TENM2: variants seen among roughly 807,000 people sequenced by gnomAD.
TENM2 encodes teneurin-2.
In TENM2, 52 loss-of-function variants were observed where a neutral mutation model predicts 245.2. The observed-to-expected ratio is 0.21, with a 90% confidence interval of 0.17 to 0.27. The LOEUF (loss-of-function observed/expected upper bound fraction) is 0.27, where lower values mean the gene tolerates loss of function less well. TENM2 is among the 10% of genes least tolerant of loss of function. The pLI is 1.00. For missense variants in TENM2, 3,046 were observed against 3,666.8 expected, an observed-to-expected ratio of 0.83 and a Z score of 4.37; for synonymous variants, 1,363 against 1,438.9, an observed-to-expected ratio of 0.95 and a Z score of 1.19.
intron 2 of TENM2, among the ~76,000 whole-genome samples, chr5:167,606,365 C>G (rs1777045837): frequency 6.6e-6 from 1 of 151,398 alleles, no homozygotes; most frequent in African/African-American, 2.4e-5. Context: ...GGCAAGGAAG[C>G]TGGGGGAGAA....
At chr5:167,034,546 C>T in the TENM2 span, among the ~76,000 whole-genome samples, 15 of 139,886 alleles carry the variant, frequency 1.1e-4, no homozygotes, top group African/African-American at 3.4e-4. Flanking sequence ...AGGAGAATAG[C>T]GTGAACCCGA....
intron 2 of TENM2, among the ~76,000 whole-genome samples, chr5:167,754,393 G>A (rs545853283): frequency 2.2e-4 from 34 of 152,156 alleles, no homozygotes; most frequent in Non-Finnish European, 3.8e-4. Flanking sequence ...TTTCACAACA[G>A]GTAGTTAAAA....
chr5:167,947,612 A>T (rs1435255941), intron 3 of TENM2, among the ~76,000 whole-genome samples: 1 of 152,204 alleles, frequency 6.6e-6, no homozygotes, highest in Non-Finnish European at 1.5e-5. Flanking sequence ...AAATTTGAAC[A>T]GGGTGTCCTG....
At chr5:167,792,157 C>T (rs2150902093) in intron 2 of TENM2, among the ~76,000 whole-genome samples, 1 of 152,248 alleles carries the variant, frequency 6.6e-6, no homozygotes, top group Admixed American at 6.5e-5. Context: ...TCTTCCTAAG[C>T]CCTCTAGGCA....
At chr5:167,938,087 A>G (rs1778876165) in intron 3 of TENM2, 1 of 152,210 alleles carries the variant, frequency 6.6e-6, no homozygotes, top group Non-Finnish European at 1.5e-5. Context: ...GCCATGCTCT[A>G]TTATCTAGAA....
the TENM2 span, among the ~76,000 whole-genome samples, chr5:167,250,854 G>A: frequency 1.3e-5 from 2 of 152,110 alleles, no homozygotes; most frequent in African/African-American, 4.8e-5. Context: ...GAAAAGTATG[G>A]CCATGGATGT....
intron 12 of TENM2, among the ~76,000 whole-genome samples, chr5:168,157,390 C>T (rs1757277726): frequency 6.6e-6 from 1 of 152,156 alleles, no homozygotes; most frequent in Non-Finnish European, 1.5e-5. Context: ...GTGTTTCCAG[C>T]AGTGTCCAGA....
At chr5:167,177,601 A>T in the TENM2 span, among the ~76,000 whole-genome samples, 1 of 152,180 alleles carries the variant, frequency 6.6e-6, no homozygotes, top group Non-Finnish European at 1.5e-5. Context: ...ATCCTAGGGG[A>T]TAGGATGGGT....
chr5:168,082,469 G>A (rs1271096529), intron 7 of TENM2, among the ~76,000 whole-genome samples: 4 of 152,152 alleles, frequency 2.6e-5, no homozygotes, highest in Non-Finnish European at 4.4e-5. Context: ...CAGCTTTGTT[G>A]CGTTGCTGGC....
At chr5:167,032,376 C>G in the TENM2 span, among the ~76,000 whole-genome samples, 3 of 152,088 alleles carry the variant, frequency 2.0e-5, no homozygotes, top group African/African-American at 7.2e-5. Context: ...TCTGTATAGT[C>G]AAGGGTGAGT....
intron 1 of TENM2, among the ~76,000 whole-genome samples, chr5:167,368,281 G>A (rs1377988647): frequency 2.0e-5 from 3 of 151,970 alleles, no homozygotes; most frequent in African/African-American, 2.4e-5. Context: ...CTATTTGAAT[G>A]ATGCATATTT....
intron 2 of TENM2, among the ~76,000 whole-genome samples, chr5:167,765,809 C>T (rs1055799210): frequency 6.6e-6 from 1 of 152,194 alleles, no homozygotes; most frequent in East Asian, 1.9e-4. Flanking sequence ...CTAACCGTTT[C>T]TCAGAACCGA....
At chr5:167,051,169 A>G in the TENM2 span, among the ~76,000 whole-genome samples, 3 of 152,094 alleles carry the variant, frequency 2.0e-5, no homozygotes, top group Non-Finnish European at 4.4e-5. Context: ...ATGGAAAGCT[A>G]AATTGGGACT....
rs1165941839 is a variant in TENM2 at position 167,492,159 on chromosome 5, AATTAC to A, written c.502+116694_502+116698del. Among the ~76,000 whole-genome samples the A allele has an allele frequency of 3.9e-5, 6 of 152,282 alleles. No individual in the cohort carries two copies. In the East Asian group the frequency reaches 5.8e-4, roughly 15 times the overall value. ...AAGTTATAGAAATAGTTGGAATTTAAATTACATTACATACTTAGTAAATGTCTGTT... is the reference window on the plus strand; with the variant it reads ...AAGTTATAGAAATAGTTGGAATTTAAATTACATACTTAGTAAATGTCTGTT... On this transcript the variant is annotated intron_variant, in intron 2 of 28. Transcript: ENST00000518659.
At chr5:167,126,384 GGTTGAGAT>G in the TENM2 span, among the ~76,000 whole-genome samples, 1 of 152,124 alleles carries the variant, frequency 6.6e-6, no homozygotes, top group Non-Finnish European at 1.5e-5. Flanking sequence ...CTTGGCAAAT[GGTTGAGAT>G]GTCCTTTCTA....
intron 2 of TENM2, among the ~76,000 whole-genome samples, chr5:167,646,052 C>T (rs1397885999): frequency 6.6e-6 from 1 of 150,906 alleles, no homozygotes; most frequent in Admixed American, 6.6e-5. Flanking sequence ...CACCTAGCTC[C>T]AGTACACACC....
intron 2 of TENM2, among the ~76,000 whole-genome samples, chr5:167,701,174 T>C (rs1758117029): frequency 6.6e-6 from 1 of 152,180 alleles, no homozygotes; most frequent in South Asian, 2.1e-4. Flanking sequence ...ATGGAAAATG[T>C]AATTTTTGTA....
chr5:167,933,162 A>C (rs1173167759), intron 3 of TENM2, among the ~76,000 whole-genome samples: 1 of 152,270 alleles, frequency 6.6e-6, no homozygotes, highest in East Asian at 1.9e-4. Flanking sequence ...TAAAGAAATT[A>C]GTTTCAAAAA....
intron 3 of TENM2, among the ~76,000 whole-genome samples, chr5:167,888,285 T>A (rs1774456698): frequency 6.6e-6 from 1 of 152,142 alleles, no homozygotes; most frequent in Admixed American, 6.6e-5. Flanking sequence ...GCATTCACCA[T>A]TAGATTTAAG....
Sources: gnomAD v4.1 joint callset for allele counts (sites outside exome capture counted in the v4.1 genomes callset) on GRCh38, gnomAD v4.1.1 for gene constraint, MANE v1.5 for transcripts, NCBI Gene and HGNC (gene_info 2026-07-23, HGNC 2026-07-21) for gene names.